Variants in UBE2D1 observed in about 807,000 individuals in gnomAD.
UBE2D1 encodes ubiquitin-conjugating enzyme E2 D1.
In UBE2D1, 9 loss-of-function variants were observed where a neutral mutation model predicts 24.6. The ratio of observed to expected loss-of-function variants is 0.37; its 90% CI spans 0.22 to 0.64. UBE2D1 has a LOEUF of 0.64. Ranked by LOEUF, UBE2D1 falls within the 30% of genes least tolerant of loss-of-function variation. UBE2D1 has a pLI of 0.64. For synonymous variants in UBE2D1, 57 were observed against 57.6 expected, an observed-to-expected ratio of 0.99 and a Z score of 0.04; for missense variants, 87 against 177.1, an observed-to-expected ratio of 0.49 and a Z score of 2.89.
intron 1 of UBE2D1, among the ~76,000 whole-genome samples, chr10:58,348,437 T>C (rs935711025): frequency 5.3e-5 from 8 of 152,216 alleles, no homozygotes; most frequent in African/African-American, 1.4e-4. Context: ...AGAATCACTG[T>C]CTTGTTTTAG....
intron 3 of UBE2D1, 132 bp downstream of exon 3, chr10:58,361,658 T>G: frequency 8.4e-7 from 1 of 1,190,846 alleles, no homozygotes. Flanking sequence ...AGCAAAATAT[T>G]ATTAAGGATT....
rs546053475 is a variant in UBE2D1 at position 58,353,965 on chromosome 10, A to C, written c.25-7373A>C. ...ACCTTATGTGAAAGGCATTGTGCTA[A>C]GTATTATGGCGGGATCCATAAATAA... is the stretch of plus-strand genomic sequence containing the variant. On this transcript the variant is annotated intron_variant, in intron 1 of 6. Coordinates refer to ENST00000373910, the MANE Select transcript of UBE2D1 (RefSeq NM_003338.5). 5.9e-5 allele frequency among the ~76,000 whole-genome samples: 9 copies of C among 152,364 alleles called. No individual in the cohort carries two copies. The South Asian group carries it at 1.7e-3, about 28-fold the overall frequency.
intron 6 of UBE2D1, 116 bp downstream of exon 6, chr10:58,368,132 G>A: frequency 4.2e-6 from 3 of 714,458 alleles, no homozygotes; most frequent in Non-Finnish European, 4.5e-6. Flanking sequence ...TATGTATATT[G>A]TTTATCTTTT....
intron 1 of UBE2D1, 139 bp downstream of exon 1, chr10:58,335,364 C>T: frequency 2.8e-6 from 3 of 1,073,420 alleles, no homozygotes; most frequent in Non-Finnish European, 2.5e-6. Context: ...GCTGAAGGCT[C>T]GGGCCGGGCC....
chr10:58,347,943 C>T (rs1840034393), intron 1 of UBE2D1, among the ~76,000 whole-genome samples: 1 of 152,140 alleles, frequency 6.6e-6, no homozygotes, highest in South Asian at 2.1e-4. Context: ...ACCACCGTTC[C>T]CGGCCCTAAA....
At chr10:58,361,885 GTC>G (rs1840203127) in intron 3 of UBE2D1, among the ~76,000 whole-genome samples, 2 of 149,980 alleles carry the variant, frequency 1.3e-5, no homozygotes, top group African/African-American at 4.9e-5. Context: ...TTAGAAATTA[GTC>G]TAATGAAGCC....
At chr10:58,351,395 A>G (rs1023601472) in intron 1 of UBE2D1, among the ~76,000 whole-genome samples, 3 of 152,054 alleles carry the variant, frequency 2.0e-5, no homozygotes, top group African/African-American at 7.2e-5. Context: ...TTCTATTTTA[A>G]TTTTTTTCAC....
intron 5 of UBE2D1, among the ~76,000 whole-genome samples, 179 bp downstream of exon 5, chr10:58,365,055 G>A (rs1402110941): frequency 1.3e-5 from 2 of 152,196 alleles, no homozygotes; most frequent in Non-Finnish European, 2.9e-5. Context: ...CTTTGGTTGA[G>A]GGGAGTGTGG....
At chr10:58,361,555 A>T in intron 3 of UBE2D1, 29 bp downstream of exon 3, 1 of 1,613,222 alleles carries the variant, frequency 6.2e-7, no homozygotes, top group Admixed American at 1.7e-5. Context: ...TATGAAATTA[A>T]CCCCCTCAGC....
At chr10:58,350,205 T>A (rs1251457564) in intron 1 of UBE2D1, among the ~76,000 whole-genome samples, 2 of 152,220 alleles carry the variant, frequency 1.3e-5, no homozygotes, top group African/African-American at 4.8e-5. Flanking sequence ...TTGCCATTAG[T>A]GGTTACTATC....
At chr10:58,362,898 T>C (rs2132331465) in intron 3 of UBE2D1, among the ~76,000 whole-genome samples, 1 of 152,258 alleles carries the variant, frequency 6.6e-6, no homozygotes, top group African/African-American at 2.4e-5. Flanking sequence ...AGGTATAGTT[T>C]GCTAGCATTT....
At chr10:58,343,742 G>A (rs1839986958) in intron 1 of UBE2D1, among the ~76,000 whole-genome samples, 4 of 152,022 alleles carry the variant, frequency 2.6e-5, no homozygotes, top group Admixed American at 2.0e-4. Context: ...GAATAATACT[G>A]GATGATACTA....
At chr10:58,359,857 G>A (rs950644261) in intron 1 of UBE2D1, among the ~76,000 whole-genome samples, 6 of 152,158 alleles carry the variant, frequency 3.9e-5, no homozygotes, top group Non-Finnish European at 8.8e-5. Context: ...CTCTGCACAT[G>A]TAATTCATCA....
intron 5 of UBE2D1, among the ~76,000 whole-genome samples, chr10:58,367,077 A>C (rs11006123): frequency 1.3e-5 from 2 of 151,930 alleles, no homozygotes; most frequent in African/African-American, 4.8e-5. Flanking sequence ...ACACCCCCCC[A>C]CCCTTTGCCT....
intron 1 of UBE2D1, among the ~76,000 whole-genome samples, chr10:58,353,652 G>A (rs923489991): frequency 4.6e-5 from 7 of 152,194 alleles, no homozygotes; most frequent in East Asian, 1.9e-4. Flanking sequence ...ATTGAAAATA[G>A]TTGTGACAAT....
At chr10:58,348,260 G>A (rs752655225) in intron 1 of UBE2D1, among the ~76,000 whole-genome samples, 4 of 152,166 alleles carry the variant, frequency 2.6e-5, no homozygotes, top group Non-Finnish European at 5.9e-5. Context: ...TTCTGTATTT[G>A]GAGACATTTC....
Position 58,335,185 on chromosome 10 carries a change from A to G in UBE2D1, c.-17A>G. Reference sequence around the variant, plus strand: ...CCGACCCCTGCCGGCCGGTGTCCCCACCGCCATCCCTGACCCATGGCGCTG... The same window carrying G: ...CCGACCCCTGCCGGCCGGTGTCCCCGCCGCCATCCCTGACCCATGGCGCTG... On this transcript the variant is annotated 5_prime_UTR_variant, in exon 1 of 7. Coordinates refer to ENST00000373910, the MANE Select transcript of UBE2D1 (RefSeq NM_003338.5). 6.5e-7 allele frequency: 1 copy of G among 1,545,468 alleles called. No homozygotes were observed. The highest frequency in any genetic ancestry group is 8.7e-7 in the Non-Finnish European group (1 of 1,148,534).
chr10:58,368,673 A>G lies in UBE2D1; in HGVS notation c.399-47A>G, dbSNP rs757620678. ...GTTTTATTAGACAGATGCTTCTGAA[A>G]TATTAATTTTGTATGTTTTTACTAT... On this transcript the variant is annotated intron_variant, in intron 6 of 6. Coordinates refer to ENST00000373910, the MANE Select transcript of UBE2D1 (RefSeq NM_003338.5). The G allele has an allele frequency of 3.7e-6, 5 of 1,360,092 alleles. No individual in the cohort carries two copies. The East Asian group carries it at 7.3e-5, about 20-fold the overall frequency. 84.3% of individuals were successfully genotyped at this position (1,360,092 alleles called of 1,614,324 possible).
At chr10:58,344,209 A>G (rs957722260) in intron 1 of UBE2D1, among the ~76,000 whole-genome samples, 2 of 152,200 alleles carry the variant, frequency 1.3e-5, no homozygotes, top group African/African-American at 4.8e-5. Flanking sequence ...TCTGGAGCAT[A>G]GCTAAAAATG....
Sources: allele counts gnomAD v4.1 joint callset (sites outside exome capture counted in the v4.1 genomes callset), GRCh38; gene constraint gnomAD v4.1.1; transcripts MANE v1.5; gene names NCBI Gene and HGNC (gene_info 2026-07-23, HGNC 2026-07-21).